The following PIEZO1 variants were observed in gnomAD, a reference collection of about 807,000 sequenced individuals.
PIEZO1 encodes the protein piezo-type mechanosensitive ion channel component 1.
PIEZO1 carries 296 observed loss-of-function variants against 297.2 expected under a neutral mutation model. The ratio of observed to expected loss-of-function variants is 1.00; its 90% CI spans 0.91 to 1.10. PIEZO1 has a LOEUF of 1.10. Ranked by LOEUF, PIEZO1 falls within the 50% of genes least tolerant of loss-of-function variation. The pLI, the probability that PIEZO1 is intolerant of heterozygous loss-of-function variation, is 0.00. For synonymous variants in PIEZO1, 2,427 were observed against 1,507.5 expected, an observed-to-expected ratio of 1.61 and a Z score of -14.13; for missense variants, 5,018 against 3,455.5, an observed-to-expected ratio of 1.45 and a Z score of -11.34.
Position 88,721,545 on chromosome 16 carries a change from T to C in PIEZO1, c.5396A>G (p.Gln1799Arg). 1.3e-6 allele frequency: 2 copies of C among 1,549,018 alleles called. No individual in the cohort carries two copies. Among genetic ancestry groups the C allele is most frequent in the Non-Finnish European group, 1.7e-6 (2 of 1,146,048 alleles). ...GCCAAGGCTCACACTCACCAGCAGCTGGGAGCGGTGGAAGAAAAGGGCCAT... is the reference window on the plus strand; with the variant it reads ...GCCAAGGCTCACACTCACCAGCAGCCGGGAGCGGTGGAAGAAAAGGGCCAT... ...QLMALFFHRSQLLCYGLWDHE... is the reference protein window; with the variant it reads ...QLMALFFHRSRLLCYGLWDHE... The change falls in exon 38 of 51, where the codon CAG becomes CGG. Residue 1799 changes from glutamine (Q) to arginine (R), a missense_variant. Gln to Arg is a conservative substitution (Grantham distance 43, BLOSUM62 1). Coordinates refer to ENST00000301015, the MANE Select transcript of PIEZO1 (RefSeq NM_001142864.4).
At chr16:88,719,269 C>A in intron 44 of PIEZO1, 1 of 349,198 alleles carries the variant, frequency 2.9e-6, no homozygotes, top group Non-Finnish European at 5.4e-6. Flanking sequence ...CTGAGAAAGG[C>A]CATTAAACAA....
chr16:88,733,951 C>G lies in PIEZO1; in HGVS notation c.2284G>C (p.Gly762Arg), dbSNP rs1043472111. ...EEEEEDSRDE[G>R]LGVATPHQAT... is the part of the protein sequence containing the mutation. Reference sequence around the variant, plus strand: ...TGGTGGGGAGTGGCCACGCCCAGCCCCTCGTCCCTGGAGTCCTCCTCCTCC... The same window carrying G: ...TGGTGGGGAGTGGCCACGCCCAGCCGCTCGTCCCTGGAGTCCTCCTCCTCC... The change falls in exon 17 of 51, where the codon GGG becomes CGG. Residue 762 changes from glycine to arginine, a missense_variant. Coordinates refer to ENST00000301015, the MANE Select transcript of PIEZO1 (RefSeq NM_001142864.4). The G allele has an allele frequency of 4.5e-6, 7 of 1,547,054 alleles. No homozygotes were observed. The highest frequency in any genetic ancestry group is 6.1e-6 in the Non-Finnish European group (7 of 1,145,142).
rs1061247 is a variant in PIEZO1, at chr16:88,715,383, A to C, written c.*222T>G. 156,250 of 1,120,594 alleles carry C rather than the reference A, an allele frequency of 0.14. 12,372 individuals carry two copies. Among genetic ancestry groups the C allele is most frequent in the African/African-American group, 0.21 (13,333 of 63,520 alleles). The allele number at this position is 1,120,594 out of a possible 1,614,324, so 69.4% of individuals were successfully genotyped here. On this transcript the variant is annotated 3_prime_UTR_variant, in exon 51 of 51. Coordinates refer to ENST00000301015, the MANE Select transcript of PIEZO1 (RefSeq NM_001142864.4). ...AATAAAACATTTTTTAATTAAAAAA[A>C]AAACTCTACAGTACACGTGGGGGAC...
intron 22 of PIEZO1, among the ~76,000 whole-genome samples, chr16:88,730,249 A>AGGGCT (rs1904710288): frequency 6.6e-6 from 1 of 152,230 alleles, no homozygotes; most frequent in Non-Finnish European, 1.5e-5. Flanking sequence ...CTGTGAGCAC[A>AGGGCT]AGGCTGGGCC....
chr16:88,749,290 T>G (rs1906257539), intron 2 of PIEZO1, 94 bp downstream of exon 2: 3 of 721,770 alleles, frequency 4.2e-6, no homozygotes, highest in Non-Finnish European at 6.4e-6. Flanking sequence ...CACCCCGGGC[T>G]GTTAAAGGTG....
chr16:88,739,120 G>T (rs532161008), intron 5 of PIEZO1: 1 of 208,462 alleles, frequency 4.8e-6, no homozygotes, highest in Admixed American at 5.3e-5. Flanking sequence ...ATACCCCGGG[G>T]GGTCTCTAGA....
At chr16:88,781,932 G>A (rs564101504) in intron 1 of PIEZO1, among the ~76,000 whole-genome samples, 9 of 152,288 alleles carry the variant, frequency 5.9e-5, no homozygotes. Context: ...GTGCCCCTAG[G>A]CTGTGCCACG....
chr16:88,733,586 ACCT>A lies in PIEZO1; in HGVS notation c.2486_2487+1del. 2 of 1,539,302 alleles carry A rather than the reference ACCT, an allele frequency of 1.3e-6. No individual in the cohort carries two copies. The highest frequency in any genetic ancestry group is 1.8e-6 in the Non-Finnish European group (2 of 1,139,362). The stretch of plus-strand genomic sequence containing the variant: ...GGAAGCTGAGTTGCCTGCCACACTC[ACCT>A]CCTTCAGGGCCACCCAGACGGTGTA... On this transcript the variant is annotated splice_donor_variant and coding_sequence_variant, in exon 18 of 51. Coordinates refer to ENST00000301015, the MANE Select transcript of PIEZO1 (RefSeq NM_001142864.4). LOFTEE classifies it high-confidence loss of function.
chr16:88,724,943 G>C, intron 30 of PIEZO1, 66 bp downstream of exon 30: 2 of 1,029,728 alleles, frequency 1.9e-6, no homozygotes, highest in African/African-American at 1.7e-5. Context: ...TAGCAGGCCA[G>C]GCAGAGGACA....
intron 27 of PIEZO1, 64 bp downstream of exon 27, chr16:88,726,220 C>A: frequency 7.3e-7 from 1 of 1,373,566 alleles, no homozygotes; most frequent in Non-Finnish European, 9.8e-7. Flanking sequence ...CAGTGAGGAA[C>A]CTCCCATTGC....
Position 88,727,636 on chromosome 16 carries a change from G to C in PIEZO1, c.3222C>G (p.Ala1074=). The part of the protein sequence containing the change: ...CIDYPWRWSR[A]VPMNSALIKW... ...TGATGAGTGCGGAGTTCATGGGGACGGCCCGGCTCCAGCGCCAGGGATAAT... is the reference window on the plus strand; with the variant it reads ...TGATGAGTGCGGAGTTCATGGGGACCGCCCGGCTCCAGCGCCAGGGATAAT... The change falls in exon 23 of 51, where the codon GCC becomes GCG. Residue 1074 remains alanine, a synonymous_variant. Coordinates refer to ENST00000301015, the MANE Select transcript of PIEZO1 (RefSeq NM_001142864.4). The C allele has an allele frequency of 6.7e-7, 1 of 1,498,274 alleles. No homozygotes were observed. Among genetic ancestry groups the C allele is most frequent in the Non-Finnish European group, 9.0e-7 (1 of 1,114,682 alleles). The allele number at this position is 1,498,274 out of a possible 1,614,324, so 92.8% of individuals were successfully genotyped here. A position where few individuals can be genotyped will look rare whatever the true frequency, so the allele number is the denominator to read the frequency against.
At chr16:88,752,656 C>A (rs1906447891) in intron 1 of PIEZO1, among the ~76,000 whole-genome samples, 1 of 152,104 alleles carries the variant, frequency 6.6e-6, no homozygotes, top group Admixed American at 6.5e-5. Context: ...GGAGGCCTCC[C>A]TGACCGCCCT....
At chr16:88,747,771 G>A (rs927707919) in intron 2 of PIEZO1, among the ~76,000 whole-genome samples, 4 of 152,308 alleles carry the variant, frequency 2.6e-5, no homozygotes, top group South Asian at 2.1e-4. Context: ...CAGGGAAGTC[G>A]GCCTGGATTA....
chr16:88,721,456 G>T, intron 38 of PIEZO1, 26 bp from the exon 39 acceptor site: 1 of 1,540,614 alleles, frequency 6.5e-7, no homozygotes, highest in Non-Finnish European at 8.8e-7. Context: ...GTGTGGTGAG[G>T]GGGCCTTGCC....
chr16:88,773,771 G>A (rs560340517), intron 1 of PIEZO1, among the ~76,000 whole-genome samples: 2 of 152,014 alleles, frequency 1.3e-5, no homozygotes, highest in African/African-American at 2.4e-5. Context: ...CCTACTGGGG[G>A]TGAGGGCTCC....
rs1051195032 is a variant in PIEZO1 at position 88,723,883 on chromosome 16, C to T, written c.4323G>A (p.Gln1441=). The T allele has an allele frequency of 1.3e-6, 2 of 1,537,700 alleles. No homozygotes were observed. The highest frequency in any genetic ancestry group is 1.4e-5 in the African/African-American group (1 of 72,836). Residue 1441 remains glutamine, a synonymous_variant, in exon 31 of 51, where the codon CAG becomes CAA. Coordinates refer to ENST00000301015, the MANE Select transcript of PIEZO1 (RefSeq NM_001142864.4). ...AVPEDPRPSA[Q]SAFQLAYQAW... The stretch of plus-strand genomic sequence containing the variant: ...TCTCCCACCTCACCTGGAAGGCACT[C>T]TGTGCCGACGGCCTCGGGTCTTCAG...
intron 1 of PIEZO1, among the ~76,000 whole-genome samples, chr16:88,778,079 CTTCTA>C (rs1222234530): frequency 6.6e-6 from 1 of 152,194 alleles, no homozygotes; most frequent in Admixed American, 6.5e-5. Context: ...AGGCTGGAGG[CTTCTA>C]GACACACGGG....
chr16:88,782,629 G>C (rs1186444865), intron 1 of PIEZO1, among the ~76,000 whole-genome samples: 1 of 152,210 alleles, frequency 6.6e-6, no homozygotes, highest in Admixed American at 6.5e-5. Flanking sequence ...GCCAGCGCAG[G>C]CACACACTGA....
intron 21 of PIEZO1, 65 bp from the exon 22 acceptor site, chr16:88,731,975 C>T (rs1567670103): frequency 1.2e-4 from 1 of 8,108 alleles, no homozygotes; most frequent in South Asian, 1.7e-3. Flanking sequence ...TTTCTTGTCC[C>T]ACCCAGCAGG....
Sources: gnomAD v4.1 joint callset for allele counts (sites outside exome capture counted in the v4.1 genomes callset) on GRCh38, gnomAD v4.1.1 for gene constraint, MANE v1.5 for transcripts, NCBI Gene and HGNC (gene_info 2026-07-23, HGNC 2026-07-21) for gene names.